ARMCX4: variants seen among roughly 807,000 people sequenced by gnomAD.
ARMCX4 encodes the protein armadillo repeat-containing X-linked protein 4.
In ARMCX4, 3 loss-of-function variants were observed where a neutral mutation model predicts 34.7. That is an observed-to-expected ratio of 0.09 (90% CI 0.04 to 0.22). ARMCX4 has a LOEUF of 0.22. Ranked by LOEUF, ARMCX4 falls within the 10% of genes least tolerant of loss-of-function variation. The pLI is 1.00. For synonymous variants in ARMCX4, 513 were observed against 632.8 expected, an observed-to-expected ratio of 0.81 and a Z score of 2.84; for missense variants, 1,448 against 1,720.8, an observed-to-expected ratio of 0.84 and a Z score of 2.81.
At chrX:101,457,891 C>T (rs1330899976) in intron 4 of ARMCX4, among the ~76,000 whole-genome samples, 1 of 109,918 alleles carries the variant, frequency 9.1e-6, no homozygotes, top group Admixed American at 9.6e-5. Context: ...TACAGGTGTG[C>T]ACCACCATGC....
At chrX:101,447,216 A>G (rs782343545), downstream of ARMCX4, among the ~76,000 whole-genome samples, 1 of 112,428 alleles carries the variant, frequency 8.9e-6, no homozygotes, top group East Asian at 2.8e-4. Flanking sequence ...GCCAGATTCT[A>G]TTAGTTGGAA....
At chrX:101,483,689 GTT>G (rs113598665), upstream of ARMCX4, among the ~76,000 whole-genome samples, 1 of 103,043 alleles carries the variant, frequency 9.7e-6, no homozygotes, top group Non-Finnish European at 2.0e-5. Context: ...AATGTTTATG[GTT>G]TTTTTTTTTT....
chrX:101,500,955 A>G (rs1934285450), intron 7 of ARMCX4, among the ~76,000 whole-genome samples: 1 of 112,321 alleles, frequency 8.9e-6, no homozygotes, highest in Non-Finnish European at 1.9e-5. Context: ...ACTATGGAGA[A>G]TGGGAGATGA....
chrX:101,508,628 C>A (rs1556015735), intron 8 of ARMCX4, among the ~76,000 whole-genome samples: 2 of 111,463 alleles, frequency 1.8e-5, no homozygotes, highest in Non-Finnish European at 3.8e-5. Flanking sequence ...TTTTGGGGGA[C>A]ATGATTCAGT....
chrX:101,430,243 C>A (rs528779369), intron 2 of ARMCX4, among the ~76,000 whole-genome samples: 5 of 112,357 alleles, frequency 4.5e-5, no homozygotes, highest in African/African-American at 1.6e-4. Flanking sequence ...CTTACTGACT[C>A]ATTTTTGAGA....
At chrX:101,458,274 C>T (rs1932415824) in intron 4 of ARMCX4, among the ~76,000 whole-genome samples, 2 of 111,047 alleles carry the variant, frequency 1.8e-5, no homozygotes, top group Admixed American at 9.6e-5. Flanking sequence ...CAAGTTGGCT[C>T]CTGAATGCTT....
At chrX:101,445,157 C>T (rs1363092936) in intron 3 of ARMCX4, among the ~76,000 whole-genome samples, 3 of 112,295 alleles carry the variant, frequency 2.7e-5, no homozygotes, top group African/African-American at 9.7e-5. Context: ...ATTTCTACAT[C>T]ATTATCATTT....
At position 101,489,578 on chromosome X, in the gene ARMCX4, C is replaced by T. The variant is rs1556007997; in HGVS notation, c.989C>T (p.Thr330Ile). ...CCTCAAATTTTTGCCAAAACCCAGACTGAGGCCATTCCTGGGGCAAAGATT... is the reference window on the plus strand; with the variant it reads ...CCTCAAATTTTTGCCAAAACCCAGATTGAGGCCATTCCTGGGGCAAAGATT... ...AQPQIFAKTQ[T>I]EAIPGAKIDA... The change falls in exon 6 of 6, where the codon ACT becomes ATT. Residue 330 changes from threonine to isoleucine, a missense_variant. Physicochemically the swap from Thr to Ile is moderately conservative, Grantham distance 89 (BLOSUM62 -1). Around this residue, in one of 2 missense-constraint regions of ARMCX4, gnomAD observed 1,343 missense variants for 1,540.7 expected, o/e 0.87. Transcript: ENST00000423738. The T allele has an allele frequency of 3.5e-6, 4 of 1,154,819 alleles. No individual in the cohort carries two copies. Among genetic ancestry groups the T allele is most frequent in the East Asian group, 6.5e-5 (2 of 30,765 alleles).
At chrX:101,468,622 T>C (rs1382353717) in intron 4 of ARMCX4, among the ~76,000 whole-genome samples, 1 of 104,776 alleles carries the variant, frequency 9.5e-6, no homozygotes, top group Non-Finnish European at 2.0e-5. Context: ...TTTTCTTTTC[T>C]TTTTTTTTTG....
At chrX:101,483,046 C>T (rs1345651061), upstream of ARMCX4, among the ~76,000 whole-genome samples, 1 of 107,765 alleles carries the variant, frequency 9.3e-6, no homozygotes, top group Non-Finnish European at 1.9e-5. Flanking sequence ...TAAGCGCCTG[C>T]CACTGCGCCC....
At chrX:101,467,050 C>T (rs1029690157) in intron 4 of ARMCX4, among the ~76,000 whole-genome samples, 1 of 112,086 alleles carries the variant, frequency 8.9e-6, no homozygotes, top group Admixed American at 9.5e-5. Context: ...CATATTGAAT[C>T]CTTTTTATTT....
At chrX:101,428,872 C>CT (rs57998955) in intron 2 of ARMCX4, among the ~76,000 whole-genome samples, 1,238 of 66,211 alleles carry the variant, frequency 0.019, 17 homozygotes, top group Non-Finnish European at 0.028. Flanking sequence ...ATTTCTTTTC[C>CT]TTTTTTTTTT....
chrX:101,504,244 G>A (rs1272896444), intron 7 of ARMCX4, among the ~76,000 whole-genome samples: 9 of 111,298 alleles, frequency 8.1e-5, no homozygotes, highest in African/African-American at 2.9e-4. Context: ...TTGTTCTTTT[G>A]GCTTAGGATT....
At chrX:101,509,136 T>A (rs1470263090) in intron 8 of ARMCX4, among the ~76,000 whole-genome samples, 1 of 112,317 alleles carries the variant, frequency 8.9e-6, no homozygotes, top group African/African-American at 3.2e-5. Context: ...TTAAATAAAT[T>A]AGGTATTCCA....
At chrX:101,503,363 T>A (rs1469950211) in intron 7 of ARMCX4, among the ~76,000 whole-genome samples, 1 of 111,638 alleles carries the variant, frequency 9.0e-6, no homozygotes, top group Non-Finnish European at 1.9e-5. Context: ...ATCGCCACAC[T>A]GACTTCCACA....
chrX:101,519,912 A>T (rs1376230367), intron 11 of ARMCX4, among the ~76,000 whole-genome samples: 1 of 110,742 alleles, frequency 9.0e-6, no homozygotes, highest in Non-Finnish European at 1.9e-5. Context: ...CATTTCCCTA[A>T]TGATTAGTGA....
intron 8 of ARMCX4, among the ~76,000 whole-genome samples, chrX:101,508,015 G>T: frequency 8.9e-6 from 1 of 112,062 alleles, no homozygotes; most frequent in Non-Finnish European, 1.9e-5. Context: ...GTTTAGATAT[G>T]TAAATACCAT....
intron 7 of ARMCX4, among the ~76,000 whole-genome samples, chrX:101,503,658 T>C (rs782776945): frequency 6.2e-4 from 69 of 112,099 alleles, no homozygotes; most frequent in African/African-American, 2.2e-3. Context: ...GTAAATTTAT[T>C]TGAGTTCATT....
chrX:101,450,150 A>G (rs1317209656), downstream of ARMCX4, among the ~76,000 whole-genome samples: 3 of 112,552 alleles, frequency 2.7e-5, no homozygotes, highest in African/African-American at 6.5e-5. Context: ...AGCACCACTG[A>G]TAATTTTCTG....
Sources: gnomAD v4.1 joint callset for allele counts (sites outside exome capture counted in the v4.1 genomes callset) on GRCh38, gnomAD v4.1.1 for gene constraint, gnomAD v4.1.1 regional missense constraint, MANE v1.5 for transcripts, NCBI Gene and HGNC (gene_info 2026-07-23, HGNC 2026-07-21) for gene names.